MACROD1: variants seen among roughly 807,000 people sequenced by gnomAD.
The protein encoded by MACROD1 is ADP-ribose glycohydrolase MACROD1.
A neutral mutation model predicts 41.4 loss-of-function variants in MACROD1; 31 were observed. The ratio of observed to expected loss-of-function variants is 0.75; its 90% CI spans 0.56 to 1.01. The LOEUF (loss-of-function observed/expected upper bound fraction) is 1.01, where lower values mean the gene tolerates loss of function less well. Among genes scored for constraint, MACROD1 ranks in the 50% least tolerant of loss-of-function variants. MACROD1 has a pLI of 0.00. For synonymous variants in MACROD1, 252 were observed against 203.4 expected, an observed-to-expected ratio of 1.24 and a Z score of -2.03; for missense variants, 473 against 460.0, an observed-to-expected ratio of 1.03 and a Z score of -0.26.
chr11:64,144,732 G>A (rs1945467779), intron 3 of MACROD1, among the ~76,000 whole-genome samples: 1 of 152,242 alleles, frequency 6.6e-6, no homozygotes, highest in South Asian at 2.1e-4. Flanking sequence ...CCCTGGACTC[G>A]TCGCTGGCCC....
intron 3 of MACROD1, among the ~76,000 whole-genome samples, chr11:64,132,259 G>A (rs1181469560): frequency 2.6e-5 from 4 of 152,108 alleles, no homozygotes; most frequent in African/African-American, 9.7e-5. Flanking sequence ...GCTTTGGGGG[G>A]ATTAAGCCTA....
chr11:64,062,499 C>T (rs1004547878), intron 3 of MACROD1, among the ~76,000 whole-genome samples: 1 of 152,222 alleles, frequency 6.6e-6, no homozygotes, highest in Non-Finnish European at 1.5e-5. Flanking sequence ...GCCAATCTGG[C>T]GCAGCCTCCT....
chr11:64,076,909 A>G (rs980102740), intron 3 of MACROD1, among the ~76,000 whole-genome samples: 16 of 152,220 alleles, frequency 1.1e-4, no homozygotes, highest in African/African-American at 3.6e-4. Context: ...TGGGGCTAAG[A>G]CTTCTTCATG....
intron 4 of MACROD1, among the ~76,000 whole-genome samples, chr11:64,011,716 C>T (rs984734359): frequency 2.0e-5 from 3 of 150,518 alleles, no homozygotes; most frequent in African/African-American, 7.3e-5. Context: ...CCAGGGCAGG[C>T]AGGATGGCCC....
rs1468457156 is a variant in MACROD1, at chr11:64,146,308, C to A, written c.517+4931G>T. 9.8e-5 allele frequency among the ~76,000 whole-genome samples: 15 copies of A among 152,334 alleles called. No individual in the cohort carries two copies. In the East Asian group the frequency reaches 2.7e-3, roughly 27 times the overall value. ...CTCTCCCCAGACACAGGACTGAGGT[C>A]ATAGGCAAGGCTGGAGAGGCAGGCA... On this transcript the variant is annotated intron_variant, in intron 3 of 10. Transcript: ENST00000255681. The surrounding 1 kb of genome is among the most constrained non-coding windows in gnomAD (Gnocchi z 4.7).
At chr11:64,086,726 C>T (rs1301302245) in intron 3 of MACROD1, among the ~76,000 whole-genome samples, 1 of 152,166 alleles carries the variant, frequency 6.6e-6, no homozygotes, top group African/African-American at 2.4e-5. Flanking sequence ...AAGGAAGGTT[C>T]TCGTGCTCAC....
intron 3 of MACROD1, among the ~76,000 whole-genome samples, chr11:64,136,753 C>T (rs1329379326): frequency 6.6e-6 from 1 of 152,216 alleles, no homozygotes; most frequent in Admixed American, 6.5e-5. Flanking sequence ...GGGATTAGAA[C>T]ACATCGTGAC....
intron 3 of MACROD1, among the ~76,000 whole-genome samples, chr11:64,061,998 TGTTA>T (rs1368261150): frequency 2.3e-5 from 3 of 131,998 alleles, no homozygotes; most frequent in African/African-American, 5.6e-5. Context: ...TACTTGCTTC[TGTTA>T]GTTACTTTCC....
chr11:64,104,520 C>T (rs1228697371), intron 3 of MACROD1, among the ~76,000 whole-genome samples: 2 of 152,104 alleles, frequency 1.3e-5, no homozygotes, highest in Non-Finnish European at 2.9e-5. Flanking sequence ...ATTTTGAGCC[C>T]CCTCCCTAAA....
chr11:64,011,978 T>A (rs1047386870), intron 4 of MACROD1, among the ~76,000 whole-genome samples: 1 of 151,934 alleles, frequency 6.6e-6, no homozygotes, highest in African/African-American at 2.4e-5. Context: ...CCCAGCATCG[T>A]CCCTACCACA....
At chr11:64,098,476 C>T (rs927871836) in intron 3 of MACROD1, among the ~76,000 whole-genome samples, 9 of 152,234 alleles carry the variant, frequency 5.9e-5, no homozygotes, top group Admixed American at 5.2e-4. Context: ...TCTCCCTGCC[C>T]CCAGCCTTCT....
At chr11:64,162,361 C>T (rs1408273172) in intron 1 of MACROD1, among the ~76,000 whole-genome samples, 1 of 151,752 alleles carries the variant, frequency 6.6e-6, no homozygotes, top group African/African-American at 2.4e-5. Context: ...AAATTAGTTG[C>T]ACATGGTGAT....
chr11:64,158,780 A>G (rs1945708085), intron 1 of MACROD1, among the ~76,000 whole-genome samples: 1 of 152,158 alleles, frequency 6.6e-6, no homozygotes, highest in African/African-American at 2.4e-5. Context: ...CAAGGGCCCA[A>G]CCTAAGTCCC....
At position 64,151,255 on chromosome 11, in the gene MACROD1, G is replaced by A. The variant is rs149625374; in HGVS notation, c.501C>T (p.Asp167=). 2.1e-4 allele frequency: 337 copies of A among 1,613,450 alleles called. No individual in the cohort carries two copies. Among genetic ancestry groups the A allele is most frequent in the Middle Eastern group, 1.5e-3 (9 of 6,062 alleles). The change falls in exon 3 of 11, where the codon GAC becomes GAT. Residue 167 remains aspartate, a synonymous_variant. Coordinates refer to ENST00000255681, the MANE Select transcript of MACROD1 (RefSeq NM_014067.4). ...LRSDITKLEV[D]AIVNAANSSL... ...GCCACTCACCGGCGTTGACGATGGC[G>A]TCCACCTCCAGCTTGGTGATGTCGC...
At chr11:64,133,881 C>G (rs1945298286) in intron 3 of MACROD1, among the ~76,000 whole-genome samples, 1 of 152,216 alleles carries the variant, frequency 6.6e-6, no homozygotes, top group Non-Finnish European at 1.5e-5. Flanking sequence ...ACAGCAAACC[C>G]AGGTCTGGGG....
intron 1 of MACROD1, among the ~76,000 whole-genome samples, chr11:64,156,200 C>T (rs976842134): frequency 1.3e-5 from 2 of 151,906 alleles, no homozygotes; most frequent in African/African-American, 4.8e-5. Flanking sequence ...AGGATCGCTT[C>T]AGCCTGGGAG....
At chr11:64,092,720 C>T (rs1282673021) in intron 3 of MACROD1, among the ~76,000 whole-genome samples, 1 of 152,224 alleles carries the variant, frequency 6.6e-6, no homozygotes, top group Non-Finnish European at 1.5e-5. Context: ...ATGTCACCAG[C>T]ACCAGGCCCC....
intron 3 of MACROD1, among the ~76,000 whole-genome samples, chr11:64,058,784 C>T (rs531389185): frequency 6.8e-4 from 104 of 152,324 alleles, no homozygotes; most frequent in Non-Finnish European, 4.7e-4. Flanking sequence ...CCTCTGTCAT[C>T]GGCCAGGGCC....
intron 3 of MACROD1, among the ~76,000 whole-genome samples, chr11:64,133,643 TGCA>T (rs1945295741): frequency 6.6e-6 from 1 of 152,154 alleles, no homozygotes; most frequent in Non-Finnish European, 1.5e-5. Context: ...CCCTTCCCAG[TGCA>T]GCAAGCTGAG....
Sources: allele counts gnomAD v4.1 joint callset (sites outside exome capture counted in the v4.1 genomes callset), GRCh38; gene constraint gnomAD v4.1.1; non-coding constraint Gnocchi (gnomAD v3.1); transcripts MANE v1.5; gene names NCBI Gene and HGNC (gene_info 2026-07-23, HGNC 2026-07-21).